The following TAF8 variants were observed in gnomAD, a reference collection of about 807,000 sequenced individuals.
The protein encoded by TAF8 is transcription initiation factor TFIID subunit 8.
Under a neutral mutation model 36.5 loss-of-function variants are expected in TAF8, and 47 were observed. The observed-to-expected ratio is 1.29, with a 90% CI of 1.02 to 1.64. The LOEUF is 1.64. Ranked by LOEUF, TAF8 falls within the 40% of genes most tolerant of loss-of-function variation. The probability of loss-of-function intolerance (pLI) is 0.00; values close to 1 mark genes in which losing one functional copy is unlikely to be tolerated. For synonymous variants in TAF8, 175 were observed against 159.5 expected (o/e 1.10, Z -0.73); for missense variants, 420 against 407.6 (o/e 1.03, Z -0.26).
intron 5 of TAF8, among the ~76,000 whole-genome samples, chr6:42,062,482 C>T (rs1765220487): frequency 1.3e-5 from 2 of 149,148 alleles, no homozygotes; most frequent in Admixed American, 1.3e-4. Flanking sequence ...TTTTACTTAG[C>T]TTAAATCTTC....
At chr6:42,051,694 C>T (rs960529331) in intron 2 of TAF8, 181 bp downstream of exon 2, 1 of 558,256 alleles carries the variant, frequency 1.8e-6, no homozygotes, top group Non-Finnish European at 3.0e-6. Flanking sequence ...AGCGTGGTGG[C>T]TCACGCCTGT....
At chr6:42,052,017 A>T (rs1413830489) in intron 2 of TAF8, among the ~76,000 whole-genome samples, 1 of 152,228 alleles carries the variant, frequency 6.6e-6, no homozygotes, top group Non-Finnish European at 1.5e-5. Context: ...TTAGAATCAG[A>T]TAGACTTGGT....
chr6:42,055,833 T>C (rs1042520143), intron 3 of TAF8, 119 bp from the exon 4 acceptor site: 4 of 802,086 alleles, frequency 5.0e-6, no homozygotes, highest in South Asian at 4.6e-5. Context: ...AGAGCTTCTT[T>C]TGCGTGGCTG....
chr6:42,072,129 C>T (rs1190859678), intron 7 of TAF8, among the ~76,000 whole-genome samples: 1 of 152,174 alleles, frequency 6.6e-6, no homozygotes, highest in Admixed American at 6.5e-5. Flanking sequence ...CCTCAAGGGA[C>T]AGGGGGAGCG....
intron 6 of TAF8, among the ~76,000 whole-genome samples, chr6:42,068,199 A>T (rs1765432631): frequency 6.6e-6 from 1 of 152,172 alleles, no homozygotes; most frequent in African/African-American, 2.4e-5. Flanking sequence ...TTGAGTTAGA[A>T]TCCCATTCTG....
chr6:42,070,182 TTTAAA>T (rs1765515756), intron 7 of TAF8, among the ~76,000 whole-genome samples: 1 of 152,028 alleles, frequency 6.6e-6, no homozygotes, highest in East Asian at 1.9e-4. Flanking sequence ...GGTATTTAAA[TTTAAA>T]TTAATGAAAT....
intron 6 of TAF8, among the ~76,000 whole-genome samples, chr6:42,068,255 A>T (rs1215868696): frequency 6.6e-6 from 1 of 152,148 alleles, no homozygotes; most frequent in Non-Finnish European, 1.5e-5. Context: ...CTCTGTGCCT[A>T]ATCGTACTTA....
chr6:42,060,117 A>G (rs762434595), intron 5 of TAF8, among the ~76,000 whole-genome samples: 12 of 152,218 alleles, frequency 7.9e-5, no homozygotes, highest in Non-Finnish European at 1.6e-4. Flanking sequence ...TAAGGTAAAT[A>G]ACGAGTCCTA....
At chr6:42,055,426 A>G in intron 2 of TAF8, 105 bp from the exon 3 acceptor site, 1 of 755,156 alleles carries the variant, frequency 1.3e-6, no homozygotes, top group Non-Finnish European at 2.3e-6. Context: ...CTTTCAGTTC[A>G]TTTATGTATA....
intron 1 of TAF8, 53 bp from the exon 2 acceptor site, chr6:42,051,304 C>T (rs1355906421): frequency 2.6e-6 from 4 of 1,563,206 alleles, no homozygotes; most frequent in East Asian, 2.3e-5. Flanking sequence ...CACGTATGAA[C>T]TATGTGATTG....
At chr6:42,059,772 T>A (rs1338390141) in intron 5 of TAF8, among the ~76,000 whole-genome samples, 1 of 152,208 alleles carries the variant, frequency 6.6e-6, no homozygotes, top group Non-Finnish European at 1.5e-5. Flanking sequence ...GCTTGGAGGT[T>A]AGAAGCAAGA....
intron 4 of TAF8, 48 bp downstream of exon 4, chr6:42,056,062 TG>T: frequency 8.0e-7 from 1 of 1,243,806 alleles, no homozygotes; most frequent in Non-Finnish European, 1.2e-6. Context: ...AATTAATGCT[TG>T]TGGAATGAAG....
chr6:42,071,644 T>C (rs566761601), intron 7 of TAF8, among the ~76,000 whole-genome samples: 1 of 152,118 alleles, frequency 6.6e-6, no homozygotes, highest in East Asian at 1.9e-4. Context: ...TTTTTTTTTT[T>C]TAAATATTGA....
Position 42,080,584 on chromosome 6 carries a change from C to A in TAF8, c.*3039C>A. ...AGAGACGGGGTTTCACCAGGTTGGC[C>A]AGGGTGGTCTCGAACACCTGACCTC... On this transcript the variant is annotated 3_prime_UTR_variant, in exon 9 of 9. Transcript: ENST00000372977. 1 of 623,208 alleles carries A rather than the reference C, an allele frequency of 1.6e-6. No homozygotes were observed. The highest frequency in any genetic ancestry group is 2.0e-6 in the Non-Finnish European group (1 of 499,586). 38.6% of individuals were successfully genotyped at this position (623,208 alleles called of 1,614,324 possible).
rs1464619806 is a variant in TAF8, at chr6:42,082,743, G to A, written c.*5198G>A. 10 of 152,164 alleles carry A rather than the reference G, an allele frequency of 6.6e-5. No individual in the cohort carries two copies. 9.4% of individuals were successfully genotyped at this position (152,164 alleles called of 1,614,324 possible). A position where few individuals can be genotyped will look rare whatever the true frequency, so the allele number is the denominator to read the frequency against. ...GTAGTTCCTTTCTTTTTATTGCTGA[G>A]TAGCATGGAGGCACCATAGTTTAAC... is the stretch of plus-strand genomic sequence containing the variant. On this transcript the variant is annotated 3_prime_UTR_variant, in exon 9 of 9. Coordinates refer to ENST00000372977, the MANE Select transcript of TAF8 (RefSeq NM_138572.3).
chr6:42,064,551 AGC>A (rs1427264652), intron 5 of TAF8, among the ~76,000 whole-genome samples: 1 of 151,920 alleles, frequency 6.6e-6, no homozygotes, highest in East Asian at 1.9e-4. Flanking sequence ...CACCACACCC[AGC>A]CTTTTGGGAA....
At chr6:42,064,254 G>A (rs1765279022) in intron 5 of TAF8, among the ~76,000 whole-genome samples, 1 of 149,706 alleles carries the variant, frequency 6.7e-6, no homozygotes, top group Admixed American at 6.7e-5. Context: ...GAAGTTTTGG[G>A]GTTTTTTTGT....
Position 42,082,590 on chromosome 6 carries a change from C to T in TAF8, c.*5045C>T, listed in dbSNP as rs1765955576. On this transcript the variant is annotated 3_prime_UTR_variant, in exon 9 of 9. Coordinates refer to ENST00000372977, the MANE Select transcript of TAF8 (RefSeq NM_138572.3). ...CTGACCTCAAGTGATCCGCCCACCTCAGCCTCCCAAAGTGCTAGGATTATA... is the reference window on the plus strand; with the variant it reads ...CTGACCTCAAGTGATCCGCCCACCTTAGCCTCCCAAAGTGCTAGGATTATA... The T allele has an allele frequency of 6.6e-6, 1 of 152,266 alleles. No individual in the cohort carries two copies. Among genetic ancestry groups the T allele is most frequent in the Admixed American group, 6.5e-5 (1 of 15,274 alleles). 9.4% of individuals were successfully genotyped at this position (152,266 alleles called of 1,614,324 possible). A position where few individuals can be genotyped will look rare whatever the true frequency, so the allele number is the denominator to read the frequency against.
At chr6:42,058,134 A>T (rs954602143) in intron 5 of TAF8, among the ~76,000 whole-genome samples, 1 of 152,200 alleles carries the variant, frequency 6.6e-6, no homozygotes, top group Non-Finnish European at 1.5e-5. Flanking sequence ...CTTTAATCCC[A>T]ACACTTTGGA....
Sources: allele counts gnomAD v4.1 joint callset (sites outside exome capture counted in the v4.1 genomes callset), GRCh38; gene constraint gnomAD v4.1.1; transcripts MANE v1.5; gene names NCBI Gene and HGNC (gene_info 2026-07-23, HGNC 2026-07-21).